The following CHD2 variants were observed in gnomAD, a reference collection of about 807,000 sequenced individuals.
CHD2 encodes ATP-dependent chromatin remodeler CHD2.
A neutral mutation model predicts 243.9 loss-of-function variants in CHD2; 28 were observed. The observed-to-expected ratio is 0.11, with a 90% CI of 0.09 to 0.16. The LOEUF (loss-of-function observed/expected upper bound fraction) is 0.16. Ranked by LOEUF, CHD2 falls within the 10% of genes least tolerant of loss-of-function variation. The pLI, the probability that CHD2 is intolerant of heterozygous loss-of-function variation, is 1.00. For missense variants in CHD2, 1,386 were observed against 2,209.8 expected (o/e 0.63, Z 7.47); for synonymous variants, 775 against 779.0 (o/e 0.99, Z 0.09).
At chr15:92,983,336 C>T (rs1464844738) in intron 24 of CHD2, among the ~76,000 whole-genome samples, 2 of 152,176 alleles carry the variant, frequency 1.3e-5, no homozygotes, top group South Asian at 2.1e-4. Context: ...CCTTTAACCA[C>T]GATGTCCCTT....
intron 17 of CHD2, among the ~76,000 whole-genome samples, chr15:92,968,030 C>T (rs746836455): frequency 9.9e-5 from 15 of 151,628 alleles, no homozygotes; most frequent in Non-Finnish European, 2.1e-4. Flanking sequence ...TTGGGATCAA[C>T]GTAAGCTCCA....
At chr15:92,988,034 A>G (rs2054067004) in intron 26 of CHD2, among the ~76,000 whole-genome samples, 1 of 151,000 alleles carries the variant, frequency 6.6e-6, no homozygotes, top group East Asian at 1.9e-4. Context: ...CACATTTTAA[A>G]CCCATCAATG....
chr15:92,904,828 A>AC, intron 2 of CHD2: 1 of 1,508,208 alleles, frequency 6.6e-7, no homozygotes, highest in Non-Finnish European at 8.8e-7. Flanking sequence ...GTTACAATTG[A>AC]CCAAAACGTT....
intron 2 of CHD2, chr15:92,902,032 T>C (rs1471179879): frequency 2.5e-6 from 1 of 392,278 alleles, no homozygotes; most frequent in Non-Finnish European, 4.5e-6. Context: ...CTGTGATTAA[T>C]ATTTGCAGTT....
intron 24 of CHD2, among the ~76,000 whole-genome samples, chr15:92,982,609 G>A (rs2053993857): frequency 1.3e-5 from 2 of 152,206 alleles, no homozygotes; most frequent in Admixed American, 1.3e-4. Flanking sequence ...TTCCATGGAG[G>A]TAGAGAAGCA....
intron 19 of CHD2, among the ~76,000 whole-genome samples, chr15:92,972,944 A>T (rs531810402): frequency 2.0e-5 from 3 of 152,132 alleles, no homozygotes; most frequent in South Asian, 4.1e-4. Flanking sequence ...TGAGGAGACG[A>T]TTCTTTTTTT....
At chr15:92,923,412 C>T (rs1049396184) in intron 2 of CHD2, among the ~76,000 whole-genome samples, 1 of 152,002 alleles carries the variant, frequency 6.6e-6, no homozygotes, top group African/African-American at 2.4e-5. Context: ...AGGCATGCAC[C>T]ATCATACCCA....
intron 2 of CHD2, among the ~76,000 whole-genome samples, chr15:92,912,170 T>A (rs1285426211): frequency 6.6e-6 from 1 of 152,212 alleles, no homozygotes; most frequent in Non-Finnish European, 1.5e-5. Flanking sequence ...CGAAACTTAG[T>A]TCCCAGACAG....
chr15:92,908,836 A>G (rs1363081199), intron 2 of CHD2, among the ~76,000 whole-genome samples: 1 of 152,178 alleles, frequency 6.6e-6, no homozygotes, highest in East Asian at 1.9e-4. Context: ...ATGTATACAC[A>G]GGCTGGGCGT....
Position 92,998,492 on chromosome 15 carries a change from G to A in CHD2, c.3886-7G>A. On this transcript the variant is annotated splice_polypyrimidine_tract_variant and splice_region_variant and intron_variant, in intron 30 of 38. Transcript: ENST00000394196. This position sits in a 1 kb window ranked among gnomAD's most constrained non-coding sequence, Gnocchi z 5.1. The stretch of plus-strand genomic sequence containing the variant: ...TGGCGGGTGCTTCTCTTCCTTTCTT[G>A]TTGAAGATTCTGCCGGTGGAGACAG... The A allele has an allele frequency of 6.2e-7, 1 of 1,613,850 alleles. No individual in the cohort carries two copies. The highest frequency in any genetic ancestry group is 1.1e-5 in the South Asian group (1 of 91,072).
At chr15:92,911,783 CTAATG>C (rs967857592) in intron 2 of CHD2, among the ~76,000 whole-genome samples, 44 of 152,136 alleles carry the variant, frequency 2.9e-4, no homozygotes, top group African/African-American at 1.1e-3. Flanking sequence ...AAAGAGGAAA[CTAATG>C]TATATGAGAC....
At chr15:92,929,645 G>T (rs1285660810) in intron 5 of CHD2, among the ~76,000 whole-genome samples, 4 of 151,952 alleles carry the variant, frequency 2.6e-5, no homozygotes, top group Non-Finnish European at 5.9e-5. Flanking sequence ...CGATTTATAT[G>T]ATATGAAATT....
chr15:92,919,351 A>G (rs2052909817), intron 2 of CHD2, among the ~76,000 whole-genome samples: 1 of 150,304 alleles, frequency 6.7e-6, no homozygotes, highest in South Asian at 2.1e-4. Context: ...TAGTACTTGT[A>G]TTCAGTCTTA....
Position 92,967,563 on chromosome 15 carries a change from A to C in CHD2, c.2189+50A>C, listed in dbSNP as rs543434076. ...TGAAGGGGTTGAGATCAGTACCATG[A>C]AACTATTAGATAGGAGATATATATA... On this transcript the variant is annotated intron_variant, in intron 17 of 38. Transcript: ENST00000394196. 2.1e-5 allele frequency: 29 copies of C among 1,411,934 alleles called. No homozygotes were observed. The African/African-American group carries it at 4.0e-4, about 20-fold the overall frequency. The allele number at this position is 1,411,934 out of a possible 1,614,324, so 87.5% of individuals were successfully genotyped here. A position where few individuals can be genotyped will look rare whatever the true frequency, so the allele number is the denominator to read the frequency against.
rs140598257 is a variant in CHD2 at position 92,931,503 on chromosome 15, C to T, written c.443+2412C>T. Among the ~76,000 whole-genome samples the T allele has an allele frequency of 4.9e-3, 739 of 152,230 alleles. 2 individuals carry two copies. Among genetic ancestry groups the T allele is most frequent in the South Asian group, 0.012 (57 of 4,812 alleles). On this transcript the variant is annotated intron_variant, in intron 5 of 38. Transcript: ENST00000394196. ...CAAGTGATCCTCCTACCTCAGCCTC[C>T]CAAGTAGCTGGGACGACAGGCGTGC...
Position 93,024,516 on chromosome 15 carries a change from C to A in CHD2, c.5298C>A (p.His1766Gln). 2 of 1,614,222 alleles carry A rather than the reference C, an allele frequency of 1.2e-6. No homozygotes were observed. Among genetic ancestry groups the A allele is most frequent in the South Asian group, 2.2e-5 (2 of 91,084 alleles). The change falls in exon 39 of 39, where the codon CAC becomes CAA. Residue 1766 changes from histidine to glutamine, a missense_variant. By Grantham distance (24) the His-to-Gln change is conservative. Around this residue, in one of 19 missense-constraint regions of CHD2, gnomAD observed 347 missense variants for 341.6 expected, o/e 1.02. Coordinates refer to ENST00000394196, the MANE Select transcript of CHD2 (RefSeq NM_001271.4). The part of the protein sequence containing the change: ...QGPSDHYRSF[H>Q]TDKLGEYKQP... ...CCTCAGACCATTACCGCTCTTTCCA[C>A]ACAGATAAACTGGGGGAATATAAAC...
rs146300647 is a variant in CHD2, at chr15:92,908,980, A to G, written c.62+7681A>G. Among the ~76,000 whole-genome samples, 401 of 152,142 alleles carry G rather than the reference A, an allele frequency of 2.6e-3. 3 individuals carry two copies. Among genetic ancestry groups the G allele is most frequent in the African/African-American group, 9.2e-3 (380 of 41,520 alleles). ...CTAAAAATACAAAGATTAGCTGGAC[A>G]TGATGGTGGGTGCCTGTAGTCCCAG... On this transcript the variant is annotated intron_variant, in intron 2 of 38. Coordinates refer to ENST00000394196, the MANE Select transcript of CHD2 (RefSeq NM_001271.4).
intron 16 of CHD2, among the ~76,000 whole-genome samples, chr15:92,962,183 C>T (rs941274245): frequency 6.6e-6 from 1 of 151,820 alleles, no homozygotes; most frequent in African/African-American, 2.4e-5. Context: ...CCCGGACCCT[C>T]TGTTTTTCTG....
chr15:92,932,895 A>C (rs927984023), intron 5 of CHD2, among the ~76,000 whole-genome samples: 4 of 151,842 alleles, frequency 2.6e-5, no homozygotes, highest in African/African-American at 9.7e-5. Context: ...GGCATGCGCC[A>C]CTGTGCCCAG....
Sources: gnomAD v4.1 joint callset for allele counts (sites outside exome capture counted in the v4.1 genomes callset) on GRCh38, gnomAD v4.1.1 for gene constraint, gnomAD v4.1.1 regional missense constraint, Gnocchi (gnomAD v3.1) non-coding constraint, MANE v1.5 for transcripts, NCBI Gene and HGNC (gene_info 2026-07-23, HGNC 2026-07-21) for gene names.